PHF21B: variants seen among roughly 807,000 people sequenced by gnomAD.
The protein encoded by PHF21B is PHD finger protein 4.
Under a neutral mutation model 62.2 loss-of-function variants are expected in PHF21B, and 22 were observed. The observed-to-expected ratio is 0.35, with a 90% CI of 0.25 to 0.51. The LOEUF (loss-of-function observed/expected upper bound fraction) is 0.51. Ranked by LOEUF, PHF21B falls within the 20% of genes least tolerant of loss-of-function variation. The pLI is 0.97. For synonymous variants in PHF21B, 341 were observed against 314.7 expected (o/e 1.08, Z -0.88); for missense variants, 701 against 707.9 (o/e 0.99, Z 0.11).
At chr22:44,971,638 G>A (rs2072640026) in intron 2 of PHF21B, among the ~76,000 whole-genome samples, 1 of 152,200 alleles carries the variant, frequency 6.6e-6, no homozygotes, top group Non-Finnish European at 1.5e-5. Context: ...TGGCCCTTGG[G>A]CGGCTCTCTC....
intron 2 of PHF21B, among the ~76,000 whole-genome samples, chr22:44,993,865 A>C (rs552383104): frequency 6.6e-6 from 1 of 152,364 alleles, no homozygotes; most frequent in African/African-American, 2.4e-5. Context: ...CACACAACCT[A>C]ATATCAAACC....
intron 2 of PHF21B, among the ~76,000 whole-genome samples, chr22:44,983,284 TA>T (rs2072876492): frequency 6.6e-6 from 1 of 151,554 alleles, no homozygotes; most frequent in Non-Finnish European, 1.5e-5. Flanking sequence ...GTGAATGACC[TA>T]AAACGGGAAA....
At position 44,934,190 on chromosome 22, in the gene PHF21B, C is replaced by G. The variant is rs767428273; in HGVS notation, c.121-13700G>C. 6.0e-4 allele frequency among the ~76,000 whole-genome samples: 92 copies of G among 152,304 alleles called. 1 individual carries two copies. Among genetic ancestry groups the G allele is most frequent in the Admixed American group, 1.5e-3 (23 of 15,306 alleles). ...GGCCTTTGCACGGGGCTCAGAGTCC[C>G]ATCGGCCACTTCCTCCTGACTCTCA... On this transcript the variant is annotated intron_variant, in intron 2 of 12. Transcript: ENST00000313237.
intron 2 of PHF21B, among the ~76,000 whole-genome samples, chr22:44,998,903 C>T (rs1022389910): frequency 6.6e-6 from 1 of 152,220 alleles, no homozygotes; most frequent in African/African-American, 2.4e-5. Context: ...CCAACACCCC[C>T]ACTTTGAGAC....
intron 3 of PHF21B, among the ~76,000 whole-genome samples, chr22:44,916,909 T>G (rs149570719): frequency 1.4e-4 from 21 of 152,306 alleles, no homozygotes; most frequent in African/African-American, 4.8e-4. Context: ...GCGGGGAGGC[T>G]TGGAAGGCAG....
chr22:44,983,233 C>CAAA (rs59497234), intron 2 of PHF21B, among the ~76,000 whole-genome samples: 4 of 149,228 alleles, frequency 2.7e-5, no homozygotes, highest in Non-Finnish European at 4.5e-5. Flanking sequence ...GACTCTGTCT[C>CAAA]AAAAAAAAAA....
At chr22:45,008,246 A>C in intron 2 of PHF21B, 3 of 264,088 alleles carry the variant, frequency 1.1e-5, no homozygotes, top group Non-Finnish European at 2.1e-5. Flanking sequence ...CCGAGCCGGG[A>C]GAAATCGCCA....
At chr22:44,965,488 G>A (rs1238572598) in intron 2 of PHF21B, among the ~76,000 whole-genome samples, 2 of 132,284 alleles carry the variant, frequency 1.5e-5, no homozygotes, top group South Asian at 2.7e-4. Context: ...CATCCTGCAC[G>A]GCCCTGGTCC....
Position 45,008,605 on chromosome 22 carries a change from G to T in PHF21B, c.60C>A (p.Gly20=). 1 of 1,586,914 alleles carries T rather than the reference G, an allele frequency of 6.3e-7. No individual in the cohort carries two copies. Among genetic ancestry groups the T allele is most frequent in the Non-Finnish European group, 8.6e-7 (1 of 1,167,330 alleles). ...TTTCGTGGAGCTGCTTCTTGAGGTC[G>T]CCGTTCTGCGGAAACACGGAGGAGC... The part of the protein sequence containing the change: ...LAVELARHQN[G]DLKKQLHERQ... Residue 20 remains glycine, a synonymous_variant, in exon 2 of 13, where the codon GGC becomes GGA. Coordinates refer to ENST00000313237, the MANE Select transcript of PHF21B (RefSeq NM_138415.5).
In PHF21B at chr22:45,009,038, C is replaced by G. The variant is rs1052637896; in HGVS notation, c.55-428G>C. On this transcript the variant is annotated intron_variant, in intron 1 of 12. Transcript: ENST00000313237. This position sits in a 1 kb window ranked among gnomAD's most constrained non-coding sequence, Gnocchi z 5.9. ...CTCCCCAACACACACACGCGCACGC[C>G]GAGCCCCGCTCAGGCTCCGGCCGCC... 49 of 1,135,198 alleles carry G rather than the reference C, an allele frequency of 4.3e-5. No homozygotes were observed. The African/African-American group carries it at 6.9e-4, about 16-fold the overall frequency. The allele number at this position is 1,135,198 out of a possible 1,614,324, so 70.3% of individuals were successfully genotyped here.
At chr22:44,958,325 GAA>G (rs1264838005) in intron 2 of PHF21B, among the ~76,000 whole-genome samples, 2 of 152,174 alleles carry the variant, frequency 1.3e-5, no homozygotes, top group Non-Finnish European at 2.9e-5. Context: ...CTGTGCTCTG[GAA>G]TTTCATGGTG....
intron 2 of PHF21B, among the ~76,000 whole-genome samples, chr22:44,992,306 C>T (rs140785206): frequency 0.011 from 1,667 of 152,346 alleles, 25 homozygotes; most frequent in African/African-American, 0.038. Context: ...CGATGAAATG[C>T]ATGGGAGGAA....
chr22:45,004,884 T>C lies in PHF21B; in HGVS notation c.120+3661A>G, dbSNP rs528453494. On this transcript the variant is annotated intron_variant, in intron 2 of 12. Coordinates refer to ENST00000313237, the MANE Select transcript of PHF21B (RefSeq NM_138415.5). ...CAGAGTTCATCAGCTCCACGGACTC[T>C]TGGGGTAGTGCACAAGGTCCCAAGC... is the stretch of plus-strand genomic sequence containing the variant. 3.3e-5 allele frequency among the ~76,000 whole-genome samples: 5 copies of C among 152,342 alleles called. No homozygotes were observed. In the East Asian group the frequency reaches 9.6e-4, roughly 29 times the overall value.
chr22:44,911,328 T>A (rs565195620), intron 5 of PHF21B, among the ~76,000 whole-genome samples: 1,888 of 152,268 alleles, frequency 0.012, 41 homozygotes, highest in African/African-American at 0.043. Context: ...GAGGAGTTAC[T>A]TATGTTAATC....
chr22:45,009,143 G>C lies in PHF21B; in HGVS notation c.54+353C>G, dbSNP rs2073380346. 4.8e-6 allele frequency: 3 copies of C among 626,830 alleles called. No homozygotes were observed. The highest frequency in any genetic ancestry group is 4.4e-6 in the Non-Finnish European group (2 of 455,758). 38.8% of individuals were successfully genotyped at this position (626,830 alleles called of 1,614,324 possible). ...TTCGCCCGGGGCGCGGGGGCCCGAG[G>C]GGAGGCCGGAAGGGGGCCTATTCGC... On this transcript the variant is annotated intron_variant, in intron 1 of 12. Transcript: ENST00000313237. This position sits in a 1 kb window ranked among gnomAD's most constrained non-coding sequence, Gnocchi z 5.9.
At chr22:44,930,300 C>T (rs1271413489) in intron 2 of PHF21B, among the ~76,000 whole-genome samples, 2 of 152,186 alleles carry the variant, frequency 1.3e-5, no homozygotes, top group Non-Finnish European at 2.9e-5. Flanking sequence ...TTGCCTCTAC[C>T]GTGTACTAGC....
At chr22:44,977,792 G>A (rs1385599393) in intron 2 of PHF21B, among the ~76,000 whole-genome samples, 2 of 136,764 alleles carry the variant, frequency 1.5e-5, no homozygotes, top group Non-Finnish European at 3.1e-5. Flanking sequence ...TTACCATGTT[G>A]CCCAGGCTGA....
At chr22:44,925,004 T>C (rs1376279010) in intron 2 of PHF21B, among the ~76,000 whole-genome samples, 1 of 152,034 alleles carries the variant, frequency 6.6e-6, no homozygotes, top group African/African-American at 2.4e-5. Flanking sequence ...ACACACACAA[T>C]ATGGATGAAT....
At chr22:44,996,516 T>C (rs948886734) in intron 2 of PHF21B, among the ~76,000 whole-genome samples, 1 of 151,966 alleles carries the variant, frequency 6.6e-6, no homozygotes, top group Non-Finnish European at 1.5e-5. Flanking sequence ...TTCTGCCCCA[T>C]GAAAGGGCTG....
Sources: allele counts gnomAD v4.1 joint callset (sites outside exome capture counted in the v4.1 genomes callset), GRCh38; gene constraint gnomAD v4.1.1; non-coding constraint Gnocchi (gnomAD v3.1); transcripts MANE v1.5; gene names NCBI Gene and HGNC (gene_info 2026-07-23, HGNC 2026-07-21).